The following CEP128 variants were observed in gnomAD, a reference collection of about 807,000 sequenced individuals.
The protein encoded by CEP128 is centrosomal protein 128kDa.
CEP128 carries 132 observed loss-of-function variants against 156.7 expected under a neutral mutation model. The ratio of observed to expected loss-of-function variants is 0.84; its 90% CI spans 0.73 to 0.97. The LOEUF (loss-of-function observed/expected upper bound fraction) is 0.97, where lower values mean the gene tolerates loss of function less well. CEP128 is among the 50% of genes least tolerant of loss of function. CEP128 has a pLI of 0.00. For synonymous variants in CEP128, 469 were observed against 448.9 expected, an observed-to-expected ratio of 1.04 and a Z score of -0.57; for missense variants, 1,252 against 1,281.9, an observed-to-expected ratio of 0.98 and a Z score of 0.36.
At chr14:80,762,689 C>A (rs1900030502) in intron 16 of CEP128, among the ~76,000 whole-genome samples, 1 of 152,194 alleles carries the variant, frequency 6.6e-6, no homozygotes, top group Admixed American at 6.5e-5. Flanking sequence ...CTCCTTTCCA[C>A]TCTGCTGGAA....
intron 19 of CEP128, among the ~76,000 whole-genome samples, chr14:80,619,776 T>C (rs1344747782): frequency 2.7e-5 from 4 of 149,998 alleles, no homozygotes; most frequent in African/African-American, 9.8e-5. Context: ...TAAAAAATAA[T>C]AGCCTTTGCT....
chr14:80,737,041 T>G (rs978413662), intron 19 of CEP128, among the ~76,000 whole-genome samples: 9 of 152,236 alleles, frequency 5.9e-5, no homozygotes, highest in African/African-American at 2.2e-4. Context: ...ACATATTTCT[T>G]AAAAAATTAT....
chr14:80,535,832 A>G (rs1226037934), intron 21 of CEP128, among the ~76,000 whole-genome samples: 1 of 152,210 alleles, frequency 6.6e-6, no homozygotes, highest in Non-Finnish European at 1.5e-5. Context: ...AACCCACTGA[A>G]TCTTGACCTC....
intron 2 of CEP128, among the ~76,000 whole-genome samples, chr14:80,930,237 C>G (rs890744585): frequency 1.3e-5 from 2 of 152,186 alleles, no homozygotes; most frequent in African/African-American, 4.8e-5. Context: ...CTACTGCTTG[C>G]AGACTCATAT....
chr14:80,906,250 C>T (rs1401482865), intron 4 of CEP128, among the ~76,000 whole-genome samples, 169 bp from the exon 5 acceptor site: 2 of 152,010 alleles, frequency 1.3e-5, no homozygotes, highest in Admixed American at 6.6e-5. Context: ...ATAGTAAATA[C>T]AAATATTTTA....
intron 19 of CEP128, among the ~76,000 whole-genome samples, chr14:80,633,694 G>C (rs1894060386): frequency 6.6e-6 from 1 of 152,180 alleles, no homozygotes; most frequent in African/African-American, 2.4e-5. Flanking sequence ...ATTTTAAAAA[G>C]TGGGGATCAG....
At chr14:80,710,602 A>T (rs1177556830) in intron 19 of CEP128, among the ~76,000 whole-genome samples, 1 of 152,152 alleles carries the variant, frequency 6.6e-6, no homozygotes, top group Admixed American at 6.5e-5. Context: ...ACAACTGAAT[A>T]TAAAGCAAGT....
intron 19 of CEP128, among the ~76,000 whole-genome samples, chr14:80,677,270 G>A (rs556760193): frequency 1.2e-4 from 18 of 152,216 alleles, no homozygotes; most frequent in Non-Finnish European, 8.8e-5. Context: ...ACTTTGAGAG[G>A]CTGAGGTGGG....
chr14:80,689,499 C>T (rs1595222982), intron 19 of CEP128, among the ~76,000 whole-genome samples: 1 of 152,176 alleles, frequency 6.6e-6, no homozygotes, highest in East Asian at 1.9e-4. Context: ...TTCTAGGTTA[C>T]CAGAACTACT....
In CEP128 at chr14:80,904,714, T is replaced by C. The variant is rs369699781; in HGVS notation, c.480+99A>G. 370 of 743,306 alleles carry C rather than the reference T, an allele frequency of 5.0e-4. 5 individuals carry two copies. In the South Asian group the frequency reaches 5.9e-3, roughly 12 times the overall value. The allele number at this position is 743,306 out of a possible 1,614,324, so 46.0% of individuals were successfully genotyped here. A position where few individuals can be genotyped will look rare whatever the true frequency, so the allele number is the denominator to read the frequency against. ...TATAAAGTTACTAATGATCAAATTC[T>C]TGGTTAAAATATAGCCTTAAAGTTC... On this transcript the variant is annotated intron_variant, in intron 6 of 24. Coordinates refer to ENST00000555265, the MANE Select transcript of CEP128 (RefSeq NM_152446.5).
chr14:80,666,998 T>C (rs1895642445), intron 19 of CEP128, among the ~76,000 whole-genome samples: 1 of 152,096 alleles, frequency 6.6e-6, no homozygotes, highest in African/African-American at 2.4e-5. Context: ...AGAAAGCCAC[T>C]TCCAGGACCC....
At chr14:80,642,351 C>A (rs2140796918) in intron 19 of CEP128, among the ~76,000 whole-genome samples, 1 of 152,228 alleles carries the variant, frequency 6.6e-6, no homozygotes, top group Middle Eastern at 3.4e-3. Flanking sequence ...GGATTCATTG[C>A]CAGTCCAGAG....
chr14:80,747,137 T>C (rs529292996), intron 18 of CEP128, among the ~76,000 whole-genome samples: 1 of 152,236 alleles, frequency 6.6e-6, no homozygotes, highest in Non-Finnish European at 1.5e-5. Context: ...CCAGTGCGAA[T>C]GCACAGCAGT....
chr14:80,501,861 G>A (rs1364046340), intron 24 of CEP128, among the ~76,000 whole-genome samples: 1 of 151,640 alleles, frequency 6.6e-6, no homozygotes, highest in Non-Finnish European at 1.5e-5. Flanking sequence ...AGCTAAAATG[G>A]GTCTCAAGCA....
At chr14:80,775,299 C>T (rs1900730310) in intron 16 of CEP128, among the ~76,000 whole-genome samples, 1 of 152,174 alleles carries the variant, frequency 6.6e-6, no homozygotes, top group African/African-American at 2.4e-5. Flanking sequence ...TATACTATCT[C>T]TCAAAGAGAA....
At chr14:80,760,203 G>C (rs1364513860) in intron 17 of CEP128, among the ~76,000 whole-genome samples, 1 of 151,428 alleles carries the variant, frequency 6.6e-6, no homozygotes, top group Non-Finnish European at 1.5e-5. Context: ...AAAAGAGTTA[G>C]TTTTCCCCCT....
chr14:80,512,663 T>C (rs1888313832), intron 23 of CEP128, among the ~76,000 whole-genome samples: 1 of 151,996 alleles, frequency 6.6e-6, no homozygotes, highest in South Asian at 2.1e-4. Flanking sequence ...GTCTTCTTCT[T>C]CCTTTCTGTC....
intron 2 of CEP128, among the ~76,000 whole-genome samples, chr14:80,931,299 G>C (rs1281669295): frequency 7.4e-6 from 1 of 134,264 alleles, no homozygotes; most frequent in Non-Finnish European, 1.7e-5. Context: ...TCAAGTCAAA[G>C]AGGGTGCTTC....
intron 19 of CEP128, among the ~76,000 whole-genome samples, chr14:80,659,463 G>A (rs929020177): frequency 2.0e-5 from 3 of 152,144 alleles, no homozygotes; most frequent in Admixed American, 6.6e-5. Flanking sequence ...ATAAAGACAC[G>A]CATGCATTGG....
Sources: gnomAD v4.1 joint callset for allele counts (sites outside exome capture counted in the v4.1 genomes callset) on GRCh38, gnomAD v4.1.1 for gene constraint, MANE v1.5 for transcripts, NCBI Gene and HGNC (gene_info 2026-07-23, HGNC 2026-07-21) for gene names.